The following FAM120AOS variants were observed in gnomAD, a reference collection of about 807,000 sequenced individuals.
The protein encoded by FAM120AOS is family with sequence similarity 120 member A opposite strand, also known as uncharacterized protein FAM120AOS.
In FAM120AOS, 15 loss-of-function variants were observed where a neutral mutation model predicts 20.2. The ratio of observed to expected loss-of-function variants is 0.74; its 90% CI spans 0.50 to 1.15. FAM120AOS has a LOEUF of 1.15. Among genes scored for constraint, FAM120AOS ranks in the 50% most tolerant of loss-of-function variants. The pLI is 0.00. For synonymous variants in FAM120AOS, 154 were observed against 154.0 expected (o/e 1.00, Z 0.00); for missense variants, 327 against 351.9 (o/e 0.93, Z 0.57).
chr9:93,449,689 T>C (rs148221684), intron 2 of FAM120AOS, among the ~76,000 whole-genome samples: 2,858 of 152,136 alleles, frequency 0.019, 93 homozygotes, highest in African/African-American at 0.059. Flanking sequence ...GGTTTTACCA[T>C]GTTGGCTAGG....
intron 1 of FAM120AOS, chr9:93,451,741 C>T (rs1231117418): frequency 1.0e-5 from 10 of 984,864 alleles, no homozygotes; most frequent in East Asian, 1.1e-4. Context: ...CAGACATGGC[C>T]CTGGGAGGCG....
intron 1 of FAM120AOS, chr9:93,451,906 C>G: frequency 1.6e-6 from 2 of 1,275,804 alleles, no homozygotes; most frequent in Non-Finnish European, 2.0e-6. Flanking sequence ...CCCGCGCCCC[C>G]GCCGCCGCCA....
intron 1 of FAM120AOS, chr9:93,451,550 G>GC: frequency 1.0e-6 from 1 of 985,632 alleles, no homozygotes; most frequent in East Asian, 1.1e-4. Context: ...GCCTCCGGGA[G>GC]CCCCGAGCCG....
intron 2 of FAM120AOS, 141 bp downstream of exon 2, chr9:93,450,338 G>A: frequency 7.9e-7 from 1 of 1,259,652 alleles, no homozygotes; most frequent in Non-Finnish European, 1.1e-6. Flanking sequence ...CTAATTTTAT[G>A]CATAGGTGAG....
chr9:93,451,418 G>C, intron 1 of FAM120AOS: 1 of 1,331,890 alleles, frequency 7.5e-7, no homozygotes, highest in Non-Finnish European at 9.6e-7. Flanking sequence ...CAGGGGAGGG[G>C]AGCGGCGGCC....
Position 93,452,951 on chromosome 9 carries a change from T to TA in FAM120AOS, c.-243dup. 2.9e-6 allele frequency: 4 copies of TA among 1,387,054 alleles called. No individual in the cohort carries two copies. Among genetic ancestry groups the TA allele is most frequent in the Non-Finnish European group, 3.7e-6 (4 of 1,075,266 alleles). 85.9% of individuals were successfully genotyped at this position (1,387,054 alleles called of 1,614,324 possible). A position where few individuals can be genotyped will look rare whatever the true frequency, so the allele number is the denominator to read the frequency against. On this transcript the variant is annotated 5_prime_UTR_variant, in exon 1 of 3. Transcript: ENST00000375412. This position sits in a 1 kb window ranked among gnomAD's most constrained non-coding sequence, Gnocchi z 7.0. ...GTCTAAGGGCCAGTGCCCTGGCCTC[T>TA]ACTTCAGAACGCAGTGCCCTGTCCG...
At chr9:93,449,866 A>C (rs1286077327) in intron 2 of FAM120AOS, among the ~76,000 whole-genome samples, 1 of 152,214 alleles carries the variant, frequency 6.6e-6, no homozygotes, top group Non-Finnish European at 1.5e-5. Context: ...TACAAATGAA[A>C]ATACGAGTGA....
chr9:93,452,107 C>T lies in FAM120AOS; in HGVS notation c.563+40G>A. 3 of 1,610,310 alleles carry T rather than the reference C, an allele frequency of 1.9e-6. No individual in the cohort carries two copies. Among genetic ancestry groups the T allele is most frequent in the Non-Finnish European group, 2.5e-6 (3 of 1,179,360 alleles). On this transcript the variant is annotated intron_variant, in intron 1 of 2. Coordinates refer to ENST00000375412, the MANE Select transcript of FAM120AOS (RefSeq NM_198841.4). The surrounding 1 kb of genome is among the most constrained non-coding windows in gnomAD (Gnocchi z 7.0). ...GCCTCTACGGCGGCTTCTACACCGA[C>T]TGGGTCAGCGGCGGCCAGTGGAACC... is the stretch of plus-strand genomic sequence containing the variant.
intron 1 of FAM120AOS, chr9:93,451,240 C>A: frequency 6.6e-7 from 1 of 1,520,458 alleles, no homozygotes. Flanking sequence ...AGGCGGCGTC[C>A]CGACGAACAG....
At chr9:93,451,931 T>C in intron 1 of FAM120AOS, 1 of 1,504,398 alleles carries the variant, frequency 6.6e-7, no homozygotes. Context: ...CGTGCAGGGC[T>C]TCCAGGACTA....
intron 1 of FAM120AOS, chr9:93,451,555 G>C (rs1316997555): frequency 1.0e-6 from 1 of 985,688 alleles, no homozygotes; most frequent in African/African-American, 1.8e-5. Context: ...CGGGAGCCCC[G>C]AGCCGCGTCC....
At position 93,447,554 on chromosome 9, in the gene FAM120AOS, G is replaced by T; in HGVS notation, c.*57C>A. ...ATAGAGCATTTTCCCTCACACGATG[G>T]GTATCAGGGTGGTTTCTTGTCCTTT... On this transcript the variant is annotated 3_prime_UTR_variant, in exon 3 of 3. Transcript: ENST00000375412. 1 of 1,412,954 alleles carries T rather than the reference G, an allele frequency of 7.1e-7. No homozygotes were observed. The highest frequency in any genetic ancestry group is 1.2e-5 in the South Asian group (1 of 84,896). The allele number at this position is 1,412,954 out of a possible 1,614,324, so 87.5% of individuals were successfully genotyped here. A position where few individuals can be genotyped will look rare whatever the true frequency, so the allele number is the denominator to read the frequency against.
Position 93,453,260 on chromosome 9 carries a change from G to A in FAM120AOS, c.-551C>T, listed in dbSNP as rs985927073. ...GTGCCCTGACGGGTGGGTAATCAGAGCTCTATATCACCGGCCTCCTCTGGC... is the reference window on the plus strand; with the variant it reads ...GTGCCCTGACGGGTGGGTAATCAGAACTCTATATCACCGGCCTCCTCTGGC... On this transcript the variant is annotated 5_prime_UTR_variant, in exon 1 of 3. Transcript: ENST00000375412. 19 of 992,456 alleles carry A rather than the reference G, an allele frequency of 1.9e-5. No individual in the cohort carries two copies. The highest frequency in any genetic ancestry group is 2.2e-5 in the Non-Finnish European group (18 of 834,964). The allele number at this position is 992,456 out of a possible 1,614,324, so 61.5% of individuals were successfully genotyped here. A position where few individuals can be genotyped will look rare whatever the true frequency, so the allele number is the denominator to read the frequency against.
chr9:93,452,835 G>C lies in FAM120AOS; in HGVS notation c.-126C>G, dbSNP rs548662593. 4 of 1,534,196 alleles carry C rather than the reference G, an allele frequency of 2.6e-6. No individual in the cohort carries two copies. Among genetic ancestry groups the C allele is most frequent in the African/African-American group, 2.8e-5 (2 of 72,442 alleles). The stretch of plus-strand genomic sequence containing the variant: ...AGCAGGCAGGATACAGAGTAATAGA[G>C]GGGGTTTCGCCAGAGCCCTTGGGGG... On this transcript the variant is annotated 5_prime_UTR_variant, in exon 1 of 3. Transcript: ENST00000375412. The surrounding 1 kb of genome is among the most constrained non-coding windows in gnomAD (Gnocchi z 7.0).
rs1011275902 is a variant in FAM120AOS at position 93,448,814 on chromosome 9, G to A, written c.685-1117C>T. On this transcript the variant is annotated intron_variant, in intron 2 of 2. Transcript: ENST00000375412. Reference sequence around the variant, plus strand: ...TTTTTGTATTTTTTTTAGTAGAGACGGAGTTTCACCGTGTTAGCCAGGATG... The same window carrying A: ...TTTTTGTATTTTTTTTAGTAGAGACAGAGTTTCACCGTGTTAGCCAGGATG... Among the ~76,000 whole-genome samples, 11 of 151,924 alleles carry A rather than the reference G, an allele frequency of 7.2e-5. No homozygotes were observed. The South Asian group carries it at 2.3e-3, about 32-fold the overall frequency.
In FAM120AOS at chr9:93,452,777, C is replaced by T; in HGVS notation, c.-68G>A. ...CAAAATACTCCCTTTTCTAATTTAG[C>T]CTGTTCTTTCCCAGCAACAGGTTCA... On this transcript the variant is annotated 5_prime_UTR_variant, in exon 1 of 3. Transcript: ENST00000375412. This position sits in a 1 kb window ranked among gnomAD's most constrained non-coding sequence, Gnocchi z 7.0. The T allele has an allele frequency of 6.3e-7, 1 of 1,594,414 alleles. No homozygotes were observed. Among genetic ancestry groups the T allele is most frequent in the Non-Finnish European group, 8.5e-7 (1 of 1,178,656 alleles).
intron 2 of FAM120AOS, chr9:93,448,511 A>G: frequency 5.1e-6 from 1 of 196,386 alleles, no homozygotes; most frequent in Non-Finnish European, 1.1e-5. Context: ...AAAAATAAAT[A>G]AAATAAATAC....
Position 93,452,560 on chromosome 9 carries a change from G to T in FAM120AOS, c.150C>A (p.His50Gln). The T allele has an allele frequency of 6.3e-7, 1 of 1,587,564 alleles. No homozygotes were observed. The highest frequency in any genetic ancestry group is 8.5e-7 in the Non-Finnish European group (1 of 1,173,836). The change falls in exon 1 of 3, where the codon CAC (histidine) becomes CAA (glutamine). Residue 50 changes from histidine to glutamine, a missense_variant. Transcript: ENST00000375412. This position sits in a 1 kb window ranked among gnomAD's most constrained non-coding sequence, Gnocchi z 7.0. ...WRRAWAARGL[H>Q]PRPSILQPGP... ...CGGGCTGCAAGATGGATGGCCGCGGGTGCAGGCCGCGCGCTGCCCAAGCCC... is the reference window on the plus strand; with the variant it reads ...CGGGCTGCAAGATGGATGGCCGCGGTTGCAGGCCGCGCGCTGCCCAAGCCC...
chr9:93,453,456 T>A lies in FAM120AOS; in HGVS notation c.-747A>T. 1.0e-6 allele frequency: 1 copy of A among 985,480 alleles called. No homozygotes were observed. Among genetic ancestry groups the A allele is most frequent in the Non-Finnish European group, 1.2e-6 (1 of 829,942 alleles). 61.0% of individuals were successfully genotyped at this position (985,480 alleles called of 1,614,324 possible). A position where few individuals can be genotyped will look rare whatever the true frequency, so the allele number is the denominator to read the frequency against. On this transcript the variant is annotated 5_prime_UTR_variant, in exon 1 of 3. Transcript: ENST00000375412. ...TTGGGGGCCTTTTTGTTGTCTTAGC[T>A]CTTGACACTCGGTCTTCCATCTTGT...
Sources: gnomAD v4.1 joint callset for allele counts (sites outside exome capture counted in the v4.1 genomes callset) on GRCh38, gnomAD v4.1.1 for gene constraint, Gnocchi (gnomAD v3.1) non-coding constraint, MANE v1.5 for transcripts, NCBI Gene and HGNC (gene_info 2026-07-23, HGNC 2026-07-21) for gene names.